Variants in TBC1D5 observed in about 807,000 individuals in gnomAD.
TBC1D5 encodes the protein TBC1 domain family, member 5.
TBC1D5 carries 75 observed loss-of-function variants against 100.3 expected under a neutral mutation model. The observed-to-expected ratio is 0.75, with a 90% CI of 0.62 to 0.91. The LOEUF is 0.91. TBC1D5 is among the 40% of genes least tolerant of loss of function. The pLI is 0.00. For synonymous variants in TBC1D5, 323 were observed against 325.6 expected (o/e 0.99, Z 0.09); for missense variants, 910 against 942.4 (o/e 0.97, Z 0.45).
intron 14 of TBC1D5, among the ~76,000 whole-genome samples, chr3:17,295,336 C>T (rs1233019593): frequency 6.6e-6 from 1 of 152,204 alleles, no homozygotes; most frequent in Non-Finnish European, 1.5e-5. Context: ...ATCCTGCTTA[C>T]TCTATCTACA....
intron 3 of TBC1D5, among the ~76,000 whole-genome samples, chr3:17,455,038 A>G (rs1559921853): frequency 6.6e-6 from 1 of 151,600 alleles, no homozygotes; most frequent in Non-Finnish European, 1.5e-5. Flanking sequence ...TGCAGATTCA[A>G]TGCATTCGCT....
At chr3:17,335,417 T>G (rs2087568431) in intron 13 of TBC1D5, among the ~76,000 whole-genome samples, 1 of 152,122 alleles carries the variant, frequency 6.6e-6, no homozygotes, top group East Asian at 1.9e-4. Context: ...TTTCTAGATC[T>G]TTCTGGTGGT....
At chr3:17,239,284 T>C (rs1023580276) in intron 16 of TBC1D5, among the ~76,000 whole-genome samples, 1 of 152,158 alleles carries the variant, frequency 6.6e-6, no homozygotes, top group African/African-American at 2.4e-5. Context: ...GCCTCTCCAT[T>C]TGTGCTTTGA....
At chr3:17,563,098 T>C (rs1576723899) in intron 2 of TBC1D5, among the ~76,000 whole-genome samples, 1 of 152,324 alleles carries the variant, frequency 6.6e-6, no homozygotes, top group South Asian at 2.1e-4. Flanking sequence ...GGATTAGTTA[T>C]AGTGAGTAAG....
chr3:17,388,685 CAAAAAAA>C (rs60539576), intron 8 of TBC1D5, among the ~76,000 whole-genome samples: 3 of 108,006 alleles, frequency 2.8e-5, no homozygotes, highest in Non-Finnish European at 3.9e-5. Flanking sequence ...CCTGCCTTTA[CAAAAAAA>C]AAAAAAAAAA....
intron 16 of TBC1D5, among the ~76,000 whole-genome samples, chr3:17,256,328 G>C (rs1407595414): frequency 1.3e-5 from 2 of 149,920 alleles, no homozygotes; most frequent in East Asian, 3.9e-4. Flanking sequence ...TGCAAAAGAC[G>C]ACAAAAAGTG....
At chr3:17,309,420 ATTGT>A (rs934012267) in intron 13 of TBC1D5, among the ~76,000 whole-genome samples, 2 of 152,052 alleles carry the variant, frequency 1.3e-5, no homozygotes, top group Non-Finnish European at 2.9e-5. Context: ...ATGCCGAAGT[ATTGT>A]TTATCTTCTT....
At chr3:17,600,852 A>T (rs144212396) in intron 2 of TBC1D5, among the ~76,000 whole-genome samples, 182 of 152,346 alleles carry the variant, frequency 1.2e-3, no homozygotes, top group African/African-American at 4.2e-3. Flanking sequence ...GCCCAAAGTC[A>T]ATCTTTTTTT....
intron 8 of TBC1D5, among the ~76,000 whole-genome samples, chr3:17,397,662 C>T (rs368578059): frequency 6.6e-6 from 1 of 152,262 alleles, no homozygotes; most frequent in African/African-American, 2.4e-5. Flanking sequence ...AAGGCATGAG[C>T]CAACACACCT....
At chr3:17,397,128 A>G (rs2093528805) in intron 8 of TBC1D5, among the ~76,000 whole-genome samples, 1 of 152,078 alleles carries the variant, frequency 6.6e-6, no homozygotes, top group African/African-American at 2.4e-5. Context: ...CATATCTATA[A>G]TTTTTAAAAA....
At chr3:17,428,773 A>G (rs1192640077) in intron 3 of TBC1D5, among the ~76,000 whole-genome samples, 1 of 151,978 alleles carries the variant, frequency 6.6e-6, no homozygotes, top group Admixed American at 6.6e-5. Flanking sequence ...GAGGCACAGT[A>G]CAAACATTTT....
intron 17 of TBC1D5, among the ~76,000 whole-genome samples, chr3:17,229,208 A>G (rs1235810227): frequency 1.3e-5 from 2 of 152,124 alleles, no homozygotes; most frequent in African/African-American, 2.4e-5. Context: ...TGGCCACAGA[A>G]AGGGGATAAC....
chr3:17,602,182 T>C (rs2061001982), intron 2 of TBC1D5, among the ~76,000 whole-genome samples: 2 of 152,206 alleles, frequency 1.3e-5, no homozygotes, highest in South Asian at 4.1e-4. Flanking sequence ...ATAACCTTTA[T>C]ACAACACGAC....
intron 17 of TBC1D5, among the ~76,000 whole-genome samples, chr3:17,225,887 G>A (rs2074835064): frequency 6.6e-6 from 1 of 151,996 alleles, no homozygotes; most frequent in African/African-American, 2.4e-5. Flanking sequence ...CATTTACATC[G>A]TATTTGGTAT....
intron 18 of TBC1D5, among the ~76,000 whole-genome samples, chr3:17,206,584 A>G (rs1423851469): frequency 6.6e-6 from 1 of 152,218 alleles, no homozygotes; most frequent in Non-Finnish European, 1.5e-5. Context: ...TATACGTTCA[A>G]ACTACCAAAG....
chr3:17,713,669 T>C (rs763814007), intron 1 of TBC1D5, among the ~76,000 whole-genome samples: 13 of 151,298 alleles, frequency 8.6e-5, no homozygotes, highest in African/African-American at 3.0e-4. Context: ...TATAAAGAAC[T>C]CTTAAAATTC....
In TBC1D5 at chr3:17,552,657, G is replaced by C. The variant is rs539901884; in HGVS notation, c.-35-44052C>G. On this transcript the variant is annotated intron_variant, in intron 2 of 21. Transcript: ENST00000253692. ...AAAATAAACAAATATAAAAACACCA[G>C]GTGGTGGTGCTAATAGCTATGATAA... is the stretch of plus-strand genomic sequence containing the variant. Among the ~76,000 whole-genome samples, 254 of 152,238 alleles carry C rather than the reference G, an allele frequency of 1.7e-3. 1 individual carries two copies. The highest frequency in any genetic ancestry group is 3.8e-3 in the Admixed American group (58 of 15,282).
intron 1 of TBC1D5, among the ~76,000 whole-genome samples, chr3:17,689,518 CA>C (rs373476990): frequency 4.5e-3 from 249 of 55,072 alleles, no homozygotes; most frequent in African/African-American, 0.011. Flanking sequence ...GACCCTGTCT[CA>C]AAAAAAAAAA....
intron 16 of TBC1D5, among the ~76,000 whole-genome samples, chr3:17,253,866 C>T (rs1010746963): frequency 2.0e-5 from 3 of 152,178 alleles, no homozygotes; most frequent in Non-Finnish European, 4.4e-5. Flanking sequence ...CACTTACGTG[C>T]GGATTTTTTT....
Sources: allele counts gnomAD v4.1 joint callset (sites outside exome capture counted in the v4.1 genomes callset), GRCh38; gene constraint gnomAD v4.1.1; transcripts MANE v1.5; gene names NCBI Gene and HGNC (gene_info 2026-07-23, HGNC 2026-07-21).